CELF2: variants seen among roughly 807,000 people sequenced by gnomAD.
The protein encoded by CELF2 is CUGBP Elav-like family member 2.
CELF2 carries 8 observed loss-of-function variants against 62.6 expected under a neutral mutation model. The ratio of observed to expected loss-of-function variants is 0.13; its 90% confidence interval spans 0.07 to 0.23. The LOEUF (loss-of-function observed/expected upper bound fraction) is 0.23. CELF2 is among the 10% of genes least tolerant of loss of function. The pLI is 1.00. For synonymous variants in CELF2, 258 were observed against 250.0 expected (o/e 1.03, Z -0.30); for missense variants, 333 against 671.0 (o/e 0.50, Z 5.56).
chr10:11,186,772 C>A (rs576102549), intron 2 of CELF2, among the ~76,000 whole-genome samples: 86 of 152,180 alleles, frequency 5.7e-4, no homozygotes, highest in East Asian at 1.7e-3. Context: ...TGCAAATATT[C>A]AAAAATCTGA....
intron 2 of CELF2, among the ~76,000 whole-genome samples, chr10:11,171,841 G>GT (rs11439821): frequency 0.28 from 42,616 of 152,068 alleles, 6,182 homozygotes; most frequent in South Asian, 0.34. Context: ...CAAACCATTT[G>GT]TTTCTTCTTT....
chr10:10,913,592 T>G (rs1323543497), intron 1 of CELF2, among the ~76,000 whole-genome samples: 1 of 149,030 alleles, frequency 6.7e-6, no homozygotes, highest in Non-Finnish European at 1.5e-5. Context: ...GGTTTCACCA[T>G]GTTGCCCAGG....
chr10:10,830,642 G>A (rs374119553), intron 1 of CELF2, among the ~76,000 whole-genome samples: 1 of 152,012 alleles, frequency 6.6e-6, no homozygotes, highest in African/African-American at 2.4e-5. Context: ...AAGGGCTGTG[G>A]GAAAGAAGTC....
At chr10:10,567,887 C>A in the CELF2 span, among the ~76,000 whole-genome samples, 1 of 152,066 alleles carries the variant, frequency 6.6e-6, no homozygotes, top group South Asian at 2.1e-4. Flanking sequence ...ATTTTGGATT[C>A]CTTCATTCAT....
the CELF2 span, among the ~76,000 whole-genome samples, chr10:10,692,388 G>C: frequency 2.7e-5 from 4 of 149,678 alleles, no homozygotes; most frequent in African/African-American, 9.9e-5. Flanking sequence ...TGGTACCAGT[G>C]CCATGCTGTT....
At chr10:10,952,774 C>A (rs1337578860) in intron 2 of CELF2, among the ~76,000 whole-genome samples, 1 of 151,638 alleles carries the variant, frequency 6.6e-6, no homozygotes, top group Non-Finnish European at 1.5e-5. Flanking sequence ...TGGCCAATGG[C>A]CTTATAGGAG....
the CELF2 span, among the ~76,000 whole-genome samples, chr10:10,695,648 C>T: frequency 6.6e-6 from 1 of 152,116 alleles, no homozygotes; most frequent in South Asian, 2.1e-4. Flanking sequence ...GTACACCAAT[C>T]AGACGTAGAT....
At chr10:10,831,176 C>T (rs962113684) in intron 1 of CELF2, among the ~76,000 whole-genome samples, 1 of 152,176 alleles carries the variant, frequency 6.6e-6, no homozygotes, top group Non-Finnish European at 1.5e-5. Context: ...TTTCCAATTG[C>T]GCACTTCAAG....
rs977329837 is a variant in CELF2 at position 11,207,043 on chromosome 10, TA to T, written c.272-10380del. On this transcript the variant is annotated intron_variant, in intron 2 of 12. Transcript: ENST00000633077. The surrounding 1 kb of genome is among the most constrained non-coding windows in gnomAD (Gnocchi z 4.1). ...ATTAGACAATTGAAATGGTTTAACATAAGTGTCTTATTTCAAAGAACCAGAG... is the reference window on the plus strand; with the variant it reads ...ATTAGACAATTGAAATGGTTTAACATAGTGTCTTATTTCAAAGAACCAGAG... Among the ~76,000 whole-genome samples, 1 of 152,262 alleles carries T rather than the reference TA, an allele frequency of 6.6e-6. No homozygotes were observed. The highest frequency in any genetic ancestry group is 2.4e-5 in the African/African-American group (1 of 41,478).
chr10:10,660,224 C>A, the CELF2 span, among the ~76,000 whole-genome samples: 22 of 152,270 alleles, frequency 1.4e-4, no homozygotes, highest in African/African-American at 5.1e-4. Context: ...TCACCTTTCA[C>A]AGATATAATA....
rs1049411881 is a variant in CELF2, at chr10:10,983,559, T to TGTTTTTG, written c.89+63572_89+63578dup. Reference sequence around the variant, plus strand: ...CTACCGAAGATACATCCGTAGTTTTTGTTTTTGGTTTTTGGTTTATTTTTT... The same window carrying TGTTTTTG: ...CTACCGAAGATACATCCGTAGTTTTTGTTTTTGGTTTTTGGTTTTTGGTTTATTTTTT... On this transcript the variant is annotated intron_variant, in intron 2 of 13. Transcript: ENST00000636488. The surrounding 1 kb of genome is among the most constrained non-coding windows in gnomAD (Gnocchi z 5.2). 1.3e-5 allele frequency among the ~76,000 whole-genome samples: 2 copies of TGTTTTTG among 152,190 alleles called. No individual in the cohort carries two copies. The highest frequency in any genetic ancestry group is 4.8e-5 in the African/African-American group (2 of 41,444).
At chr10:10,532,257 T>C in the CELF2 span, among the ~76,000 whole-genome samples, 1 of 152,258 alleles carries the variant, frequency 6.6e-6, no homozygotes, top group Non-Finnish European at 1.5e-5. Context: ...TTAGTAATCA[T>C]TTGTTCCCAA....
the CELF2 span, among the ~76,000 whole-genome samples, chr10:10,547,692 A>AGAGAGAGAGAGAGTGT: frequency 2.0e-4 from 28 of 138,112 alleles, no homozygotes; most frequent in African/African-American, 7.8e-4. Flanking sequence ...AGAGAGAGAG[A>AGAGAGAGAGAGAGTGT]GTGTGTGTGT....
chr10:11,136,330 C>T (rs1163549896), intron 1 of CELF2, among the ~76,000 whole-genome samples: 3 of 152,152 alleles, frequency 2.0e-5, no homozygotes, highest in South Asian at 2.1e-4. Context: ...TGGCCGGGCC[C>T]GGTGGCTCAC....
At chr10:10,521,109 G>T in the CELF2 span, among the ~76,000 whole-genome samples, 1 of 152,218 alleles carries the variant, frequency 6.6e-6, no homozygotes, top group African/African-American at 2.4e-5. Flanking sequence ...GAAACAGAAG[G>T]TGGCTCGAAA....
At chr10:10,596,669 G>A in the CELF2 span, among the ~76,000 whole-genome samples, 3 of 152,174 alleles carry the variant, frequency 2.0e-5, no homozygotes, top group African/African-American at 4.8e-5. Flanking sequence ...GCGCCTGCAG[G>A]GCACCTCTGG....
chr10:10,652,944 C>G, the CELF2 span, among the ~76,000 whole-genome samples: 7 of 151,976 alleles, frequency 4.6e-5, no homozygotes, highest in Admixed American at 4.6e-4. Flanking sequence ...GAGTCAAGAC[C>G]CATCAGTGTG....
rs1293183496 is a variant in CELF2, at chr10:11,220,954, G to A, written c.354+3447G>A. Among the ~76,000 whole-genome samples the A allele has an allele frequency of 6.6e-6, 1 of 152,248 alleles. No homozygotes were observed. The highest frequency in any genetic ancestry group is 1.5e-5 in the Non-Finnish European group (1 of 68,038). ...AGGGGGCCTCTAGCTAATCTAGCTG[G>A]AAGGGTGGACAGTAGACAGGTAGTT... On this transcript the variant is annotated intron_variant, in intron 3 of 12. Coordinates refer to ENST00000633077, the MANE Select transcript of CELF2 (RefSeq NM_001326342.2). This position sits in a 1 kb window ranked among gnomAD's most constrained non-coding sequence, Gnocchi z 4.4.
chr10:11,244,871 G>A lies in CELF2; in HGVS notation c.355-4282G>A, dbSNP rs1356066197. Among the ~76,000 whole-genome samples the A allele has an allele frequency of 6.6e-6, 1 of 152,154 alleles. No individual in the cohort carries two copies. Among genetic ancestry groups the A allele is most frequent in the Non-Finnish European group, 1.5e-5 (1 of 68,036 alleles). ...AATGAATGCAGACATAGCTTCATCT[G>A]AGACGCCTTCCCCAGCGTGTCCTTC... On this transcript the variant is annotated intron_variant, in intron 3 of 12. Transcript: ENST00000633077. The surrounding 1 kb of genome is among the most constrained non-coding windows in gnomAD (Gnocchi z 4.2).
Sources: gnomAD v4.1 joint callset for allele counts (sites outside exome capture counted in the v4.1 genomes callset) on GRCh38, gnomAD v4.1.1 for gene constraint, Gnocchi (gnomAD v3.1) non-coding constraint, MANE v1.5 for transcripts, NCBI Gene and HGNC (gene_info 2026-07-23, HGNC 2026-07-21) for gene names.